Variants in ELP4 observed in about 807,000 individuals in gnomAD.
ELP4 encodes the protein elongator complex protein 4.
ELP4 carries 51 observed loss-of-function variants against 48.9 expected under a neutral mutation model. The observed-to-expected ratio is 1.04, with a 90% confidence interval of 0.83 to 1.32. ELP4 has a LOEUF of 1.32. Ranked by LOEUF, ELP4 falls within the 40% of genes most tolerant of loss-of-function variation. The pLI is 0.00. For synonymous variants in ELP4, 210 were observed against 189.2 expected, an observed-to-expected ratio of 1.11 and a Z score of -0.90; for missense variants, 519 against 514.6, an observed-to-expected ratio of 1.01 and a Z score of -0.08.
At chr11:31,640,329 T>C (rs1483569759) in intron 7 of ELP4, among the ~76,000 whole-genome samples, 1 of 151,972 alleles carries the variant, frequency 6.6e-6, no homozygotes, top group African/African-American at 2.4e-5. Flanking sequence ...AACATGAGTT[T>C]TGAATTATTC....
At chr11:31,516,346 T>C (rs1215940731) in intron 1 of ELP4, among the ~76,000 whole-genome samples, 1 of 152,216 alleles carries the variant, frequency 6.6e-6, no homozygotes, top group Non-Finnish European at 1.5e-5. Context: ...AAAAAGGCTA[T>C]TGGGTAATTA....
chr11:31,623,388 T>A lies in ELP4; in HGVS notation c.654-3722T>A, dbSNP rs1050212951. On this transcript the variant is annotated intron_variant, in intron 5 of 9. Transcript: ENST00000640961. The stretch of plus-strand genomic sequence containing the variant: ...ATATATATATATATATATATATATA[T>A]ATAAAACTAGAAACATTGCTGGCAA... Among the ~76,000 whole-genome samples, 76 of 64,800 alleles carry A rather than the reference T, an allele frequency of 1.2e-3. 4 individuals are homozygous for A. Among genetic ancestry groups the A allele is most frequent in the Admixed American group, 9.8e-3 (65 of 6,656 alleles). 42.5% of individuals were successfully genotyped at this position (64,800 alleles called of 152,430 possible). A position where few individuals can be genotyped will look rare whatever the true frequency, so the allele number is the denominator to read the frequency against.
chr11:31,662,834 A>G (rs1945593413), intron 9 of ELP4: 1 of 331,648 alleles, frequency 3.0e-6, no homozygotes, highest in Non-Finnish European at 5.4e-6. Flanking sequence ...GAAAATACCT[A>G]GATTTCATAA....
intron 9 of ELP4, among the ~76,000 whole-genome samples, chr11:31,752,389 AAG>A (rs1024171244): frequency 6.6e-6 from 1 of 152,218 alleles, no homozygotes; most frequent in Non-Finnish European, 1.5e-5. Context: ...ATCAGGAACA[AAG>A]AGAATATATT....
In ELP4 at chr11:31,585,255, C is replaced by T. The variant is rs541687485; in HGVS notation, c.382-9515C>T. Among the ~76,000 whole-genome samples the T allele has an allele frequency of 9.2e-5, 14 of 152,098 alleles. No individual in the cohort carries two copies. The South Asian group carries it at 2.7e-3, about 29-fold the overall frequency. On this transcript the variant is annotated intron_variant, in intron 3 of 9. Coordinates refer to ENST00000640961, the MANE Select transcript of ELP4 (RefSeq NM_019040.5). ...GATAATCTTAAGAATTAATTAGGGC[C>T]AATTGTCTCAAATTTAAACAAATGT...
At chr11:31,610,147 C>CT (rs1315807040) in intron 5 of ELP4, among the ~76,000 whole-genome samples, 2 of 152,046 alleles carry the variant, frequency 1.3e-5, no homozygotes, top group African/African-American at 4.8e-5. Context: ...CTATAAATTA[C>CT]TTTATTAAAA....
At position 31,749,756 on chromosome 11, in the gene ELP4, AAAATAAAACT is replaced by A. The variant is rs568176321; in HGVS notation, c.1144-33621_1144-33612del. On this transcript the variant is annotated intron_variant, in intron 9 of 9. Transcript: ENST00000640961. ...CATAGATAGTAATTCCTGTAACTAG[AAAATAAAACT>A]AAATAAAACTAAATAGATGCATTTC... Among the ~76,000 whole-genome samples the A allele has an allele frequency of 7.5e-4, 115 of 152,364 alleles. 2 individuals are homozygous for A. Among genetic ancestry groups the A allele is most frequent in the African/African-American group, 2.1e-3 (88 of 41,586 alleles).
chr11:31,624,141 A>G (rs1229338306), intron 5 of ELP4, among the ~76,000 whole-genome samples: 1 of 151,866 alleles, frequency 6.6e-6, no homozygotes, highest in Non-Finnish European at 1.5e-5. Flanking sequence ...AGAAAACAGT[A>G]TAGAGGTTCC....
At chr11:31,758,042 A>G (rs1204104663) in intron 9 of ELP4, among the ~76,000 whole-genome samples, 1 of 152,134 alleles carries the variant, frequency 6.6e-6, no homozygotes, top group Non-Finnish European at 1.5e-5. Context: ...TGATCATTAT[A>G]ATTTTCTAAA....
At chr11:31,608,597 G>C (rs1447949113) in intron 5 of ELP4, among the ~76,000 whole-genome samples, 3 of 151,670 alleles carry the variant, frequency 2.0e-5, no homozygotes, top group African/African-American at 4.8e-5. Context: ...TGCTGGGTGG[G>C]GGGGTCAGGG....
At chr11:31,772,342 G>A (rs1026292393) in intron 9 of ELP4, among the ~76,000 whole-genome samples, 3 of 152,070 alleles carry the variant, frequency 2.0e-5, no homozygotes, top group Non-Finnish European at 2.9e-5. Flanking sequence ...TGGCCAGTCT[G>A]GTCTCAAACT....
At position 31,632,205 on chromosome 11, in the gene ELP4, A is replaced by G. The variant is rs1944875804; in HGVS notation, c.739-12A>G. ...AACTTTATATGTTTGCTTTTTTCCC[A>G]CTTTCTTTTAGAAAAAACAGAGAAA... On this transcript the variant is annotated splice_polypyrimidine_tract_variant and intron_variant, in intron 6 of 9. Coordinates refer to ENST00000640961, the MANE Select transcript of ELP4 (RefSeq NM_019040.5). 1.9e-6 allele frequency: 3 copies of G among 1,592,182 alleles called. No homozygotes were observed. The highest frequency in any genetic ancestry group is 2.6e-6 in the Non-Finnish European group (3 of 1,172,390).
At chr11:31,562,876 TC>T (rs1354925749) in intron 3 of ELP4, among the ~76,000 whole-genome samples, 1 of 151,960 alleles carries the variant, frequency 6.6e-6, no homozygotes, top group African/African-American at 2.4e-5. Flanking sequence ...AAGTCACCCC[TC>T]CCCCATATTT....
intron 3 of ELP4, among the ~76,000 whole-genome samples, chr11:31,569,244 T>C (rs1957158580): frequency 6.6e-6 from 1 of 151,702 alleles, no homozygotes; most frequent in Admixed American, 6.6e-5. Flanking sequence ...AAAAGAAAAA[T>C]TGACAAGTGG....
intron 9 of ELP4, among the ~76,000 whole-genome samples, chr11:31,761,108 A>G (rs1347692250): frequency 6.6e-6 from 1 of 152,168 alleles, no homozygotes; most frequent in South Asian, 2.1e-4. Flanking sequence ...CACGCCTGTA[A>G]TCCCACCACT....
At position 31,788,947 on chromosome 11, in the gene ELP4, A is replaced by G. The variant is rs1592340165; in HGVS notation, c.*5423A>G. On this transcript the variant is annotated 3_prime_UTR_variant, in exon 10 of 10. Transcript: ENST00000640961. ...GAAAACTGTATAATAAAGGAAATAC[A>G]AAGGCTTTGGCATGGTTTTTTACAA... The G allele has an allele frequency of 2.0e-5, 4 of 200,674 alleles. No homozygotes were observed. The highest frequency in any genetic ancestry group is 4.1e-5 in the Non-Finnish European group (4 of 97,006). 12.4% of individuals were successfully genotyped at this position (200,674 alleles called of 1,614,324 possible).
In ELP4 at chr11:31,772,120, CT is replaced by C. The variant is rs11406554; in HGVS notation, c.1144-11255del. Among the ~76,000 whole-genome samples, 826 of 132,102 alleles carry C rather than the reference CT, an allele frequency of 6.3e-3. 7 individuals are homozygous for C. The highest frequency in any genetic ancestry group is 0.018 in the African/African-American group (617 of 35,138). The allele number at this position is 132,102 out of a possible 152,430, so 86.7% of individuals were successfully genotyped here. ...CTCTCACCACCTGAATTATTTTCTTCTTTTTTTTTTTTTTTTTTAGAATAAG... is the reference window on the plus strand; with the variant it reads ...CTCTCACCACCTGAATTATTTTCTTCTTTTTTTTTTTTTTTTTAGAATAAG... On this transcript the variant is annotated intron_variant, in intron 9 of 9. Coordinates refer to ENST00000640961, the MANE Select transcript of ELP4 (RefSeq NM_019040.5).
intron 3 of ELP4, among the ~76,000 whole-genome samples, chr11:31,576,417 A>C (rs1019832689): frequency 3.3e-5 from 5 of 152,218 alleles, no homozygotes; most frequent in Non-Finnish European, 7.3e-5. Context: ...CCAGGAATTG[A>C]ACGCAGCTCT....
chr11:31,709,741 A>G (rs1428339277), intron 9 of ELP4, among the ~76,000 whole-genome samples: 1 of 152,220 alleles, frequency 6.6e-6, no homozygotes, highest in Non-Finnish European at 1.5e-5. Flanking sequence ...TGCCTAATAC[A>G]ATAACTGGCA....
Sources: allele counts gnomAD v4.1 joint callset (sites outside exome capture counted in the v4.1 genomes callset), GRCh38; gene constraint gnomAD v4.1.1; transcripts MANE v1.5; gene names NCBI Gene and HGNC (gene_info 2026-07-23, HGNC 2026-07-21).